PHF8: variants seen among roughly 807,000 people sequenced by gnomAD.
The protein encoded by PHF8 is histone lysine demethylase PHF8.
A neutral mutation model predicts 74.4 loss-of-function variants in PHF8; 9 were observed. The observed-to-expected ratio is 0.12, with a 90% CI of 0.07 to 0.21. The LOEUF is 0.21. PHF8 is among the 10% of genes least tolerant of loss of function. PHF8 has a pLI of 1.00. For missense variants in PHF8, 478 were observed against 816.6 expected (o/e 0.59, Z 5.05); for synonymous variants, 311 against 316.6 (o/e 0.98, Z 0.19).
At chrX:53,999,808 C>T in intron 11 of PHF8, 62 bp downstream of exon 11, 1 of 711,178 alleles carries the variant, frequency 1.4e-6, no homozygotes, top group South Asian at 2.2e-5. Context: ...AAAACATCTA[C>T]CCAAATCCAG....
intron 2 of PHF8, among the ~76,000 whole-genome samples, chrX:54,031,212 C>G (rs2066349168): frequency 9.0e-6 from 1 of 111,386 alleles, no homozygotes; most frequent in Admixed American, 9.6e-5. Context: ...GGACACTCAA[C>G]TCTTCCAGGG....
rs782345655 is a variant in PHF8 at position 54,034,113 on chromosome X, T to C, written c.98+8518A>G. Among the ~76,000 whole-genome samples the C allele has an allele frequency of 7.2e-5, 8 of 111,061 alleles. No individual in the cohort carries two copies. In the East Asian group the frequency reaches 8.4e-4, roughly 12 times the overall value. On this transcript the variant is annotated intron_variant, in intron 2 of 21. Coordinates refer to ENST00000338154, the MANE Select transcript of PHF8 (RefSeq NM_015107.3). Reference sequence around the variant, plus strand: ...GAGAAAAGAATCAGTAAGTTGAAGATAGAACAATAGAAATTATCCAATCTG... The same window carrying C: ...GAGAAAAGAATCAGTAAGTTGAAGACAGAACAATAGAAATTATCCAATCTG...
intron 20 of PHF8, chrX:53,942,962 T>TA (rs2064775655): frequency 1.3e-6 from 1 of 754,132 alleles, no homozygotes; most frequent in Non-Finnish European, 1.6e-6. Context: ...TTGTGTGCTA[T>TA]ACGAAGGAAG....
Position 54,044,079 on chromosome X carries a change from A to G in PHF8, c.-410T>C. ...CTGGGTCGCGCGGCGCCAGCCGCTC[A>G]ACGGTGCTTCAGAGCAGCCTCCTCC... On this transcript the variant is annotated 5_prime_UTR_variant, in exon 1 of 22. Transcript: ENST00000338154. The G allele has an allele frequency of 1.3e-6, 1 of 755,249 alleles. No individual in the cohort carries two copies. Among genetic ancestry groups the G allele is most frequent in the South Asian group, 6.7e-5 (1 of 14,938 alleles). 62.2% of individuals were successfully genotyped at this position (755,249 alleles called of 1,213,427 possible). A position where few individuals can be genotyped will look rare whatever the true frequency, so the allele number is the denominator to read the frequency against.
chrX:53,990,667 C>T (rs2065644955), intron 14 of PHF8, among the ~76,000 whole-genome samples: 1 of 111,592 alleles, frequency 9.0e-6, no homozygotes. Flanking sequence ...CCCTTATTTT[C>T]CACCCAGATG....
intron 4 of PHF8, among the ~76,000 whole-genome samples, chrX:54,020,160 T>C (rs925342138): frequency 1.7e-4 from 19 of 111,972 alleles, no homozygotes; most frequent in African/African-American, 6.2e-4. Context: ...CACTCCAGCC[T>C]GGGGGACAAG....
At chrX:53,957,540 A>T (rs782595936) in intron 19 of PHF8, among the ~76,000 whole-genome samples, 1 of 111,097 alleles carries the variant, frequency 9.0e-6, no homozygotes, top group Non-Finnish European at 1.9e-5. Flanking sequence ...AAAACAAACA[A>T]ACAAACAAAC....
intron 8 of PHF8, among the ~76,000 whole-genome samples, chrX:54,010,034 C>T (rs1557106378): frequency 9.1e-6 from 1 of 109,292 alleles, no homozygotes; most frequent in East Asian, 2.9e-4. Context: ...AATACTATGG[C>T]TGGGTGCGGT....
At chrX:53,939,726 G>A (rs55699394) in intron 21 of PHF8, among the ~76,000 whole-genome samples, 2,608 of 110,849 alleles carry the variant, frequency 0.024, 24 homozygotes, top group Non-Finnish European at 0.033. Flanking sequence ...GTACTCTAGG[G>A]ACTGGGCTTT....
intron 18 of PHF8, among the ~76,000 whole-genome samples, chrX:53,978,307 G>A (rs1244671931): frequency 9.0e-6 from 1 of 110,620 alleles, no homozygotes; most frequent in Non-Finnish European, 1.9e-5. Context: ...CCATTCCTAG[G>A]TATTTACCCT....
At chrX:53,975,277 ATAAGGTAG>A (rs2065355292) in intron 18 of PHF8, among the ~76,000 whole-genome samples, 1 of 112,384 alleles carries the variant, frequency 8.9e-6, no homozygotes, top group Non-Finnish European at 1.9e-5. Context: ...TGGTGGGAAT[ATAAGGTAG>A]TACAACTATC....
chrX:53,967,160 C>T (rs781989092), intron 18 of PHF8, among the ~76,000 whole-genome samples: 48 of 104,595 alleles, frequency 4.6e-4, no homozygotes, highest in African/African-American at 1.6e-3. Flanking sequence ...GCCCCCCGCC[C>T]GGCCAGCCGC....
chrX:53,976,318 A>G (rs1238372181), intron 18 of PHF8, among the ~76,000 whole-genome samples: 1 of 111,044 alleles, frequency 9.0e-6, no homozygotes, highest in Non-Finnish European at 1.9e-5. Context: ...AAAATAAAAT[A>G]AAATAAAATA....
chrX:54,035,525 T>A (rs961464277), intron 2 of PHF8, among the ~76,000 whole-genome samples: 12 of 110,890 alleles, frequency 1.1e-4, no homozygotes, highest in Non-Finnish European at 1.9e-4. Context: ...TTCATGCCTG[T>A]AATCCCAGCA....
chrX:54,013,344 GACTAT>G (rs2066011021), intron 7 of PHF8, among the ~76,000 whole-genome samples: 1 of 111,248 alleles, frequency 9.0e-6, no homozygotes, highest in African/African-American at 3.3e-5. Flanking sequence ...GCAGTTAAAT[GACTAT>G]ATACAACTGA....
chrX:53,958,205 C>T (rs1419205860), intron 19 of PHF8, among the ~76,000 whole-genome samples: 1 of 108,465 alleles, frequency 9.2e-6, no homozygotes, highest in East Asian at 3.0e-4. Context: ...CCATGCCCAG[C>T]TAATTTTTGT....
chrX:54,027,588 GA>G (rs1407501959), intron 2 of PHF8, among the ~76,000 whole-genome samples: 2 of 111,221 alleles, frequency 1.8e-5, no homozygotes, highest in Admixed American at 1.9e-4. Flanking sequence ...CCTCCTTGTT[GA>G]TATATGCAAT....
upstream of PHF8, among the ~76,000 whole-genome samples, chrX:54,047,205 T>C (rs2066638718): frequency 9.0e-6 from 1 of 111,534 alleles, no homozygotes; most frequent in Admixed American, 9.6e-5. Context: ...AAAGATGAGA[T>C]AATTTGGATA....
At position 54,019,787 on chromosome X, in the gene PHF8, C is replaced by CAAA. The variant is rs781792263; in HGVS notation, c.294-1969_294-1967dup. Among the ~76,000 whole-genome samples the CAAA allele has an allele frequency of 4.7e-4, 13 of 27,695 alleles. 1 individual carries two copies. The highest frequency in any genetic ancestry group is 5.4e-4 in the Non-Finnish European group (8 of 14,843). The allele number at this position is 27,695 out of a possible 115,157, so 24.0% of individuals were successfully genotyped here. ...TAGCCAACAGAGCAAGACACCGCCT[C>CAAA]AAAAAAAAAAAAAAAAAAAAGAAAG... On this transcript the variant is annotated intron_variant, in intron 4 of 21. Transcript: ENST00000338154.
Sources: allele counts gnomAD v4.1 joint callset (sites outside exome capture counted in the v4.1 genomes callset), GRCh38; gene constraint gnomAD v4.1.1; transcripts MANE v1.5; gene names NCBI Gene and HGNC (gene_info 2026-07-23, HGNC 2026-07-21).